The following FANCC variants were observed in gnomAD, a reference collection of about 807,000 sequenced individuals.
FANCC encodes Fanconi anemia group C protein.
In FANCC, 55 loss-of-function variants were observed where a neutral mutation model predicts 71.3. The ratio of observed to expected loss-of-function variants is 0.77; its 90% confidence interval spans 0.62 to 0.97. The LOEUF is 0.97. Among genes scored for constraint, FANCC ranks in the 50% least tolerant of loss-of-function variants. FANCC has a pLI of 0.00. For missense variants in FANCC, 678 were observed against 670.9 expected (o/e 1.01, Z -0.12); for synonymous variants, 275 against 244.9 (o/e 1.12, Z -1.15).
chr9:95,241,372 T>C (rs1830617358), intron 3 of FANCC, among the ~76,000 whole-genome samples: 1 of 152,158 alleles, frequency 6.6e-6, no homozygotes, highest in African/African-American at 2.4e-5. Context: ...TTTATAAAAC[T>C]TTACCAAACA....
chr9:95,163,034 C>T (rs1285246998), intron 6 of FANCC, among the ~76,000 whole-genome samples: 1 of 152,184 alleles, frequency 6.6e-6, no homozygotes, highest in Non-Finnish European at 1.5e-5. Flanking sequence ...ATTGCGAAGT[C>T]CAATGCCATG....
intron 1 of FANCC, among the ~76,000 whole-genome samples, chr9:95,283,146 A>G (rs1588413532): frequency 6.6e-6 from 1 of 152,324 alleles, no homozygotes; most frequent in East Asian, 1.9e-4. Context: ...GCAGTGGCAC[A>G]ATCATAGCTC....
At chr9:95,298,893 A>C (rs563797757) in intron 1 of FANCC, among the ~76,000 whole-genome samples, 1 of 152,244 alleles carries the variant, frequency 6.6e-6, no homozygotes, top group African/African-American at 2.4e-5. Context: ...TCCAAAAGCC[A>C]TATCAGGACA....
rs553628650 is a variant in FANCC at position 95,141,303 on chromosome 9, C to T, written c.687-5801G>A. 2.9e-4 allele frequency among the ~76,000 whole-genome samples: 28 copies of T among 97,780 alleles called. No individual in the cohort carries two copies. In the South Asian group the frequency reaches 0.012, roughly 42 times the overall value. The allele number at this position is 97,780 out of a possible 152,430, so 64.1% of individuals were successfully genotyped here. On this transcript the variant is annotated intron_variant, in intron 7 of 14. Transcript: ENST00000289081. ...CTCTAGCCTGGGTGACAGAGTGAGACCCTGTCTCAAAAAAAAAAAAAAAAA... is the reference window on the plus strand; with the variant it reads ...CTCTAGCCTGGGTGACAGAGTGAGATCCTGTCTCAAAAAAAAAAAAAAAAA...
intron 4 of FANCC, among the ~76,000 whole-genome samples, chr9:95,177,999 C>A (rs1392736491): frequency 6.6e-6 from 1 of 152,120 alleles, no homozygotes; most frequent in Non-Finnish European, 1.5e-5. Context: ...CACAGCTCAA[C>A]ACAAATTTGT....
chr9:95,211,899 A>G (rs962208945), intron 4 of FANCC, among the ~76,000 whole-genome samples: 3 of 151,978 alleles, frequency 2.0e-5, no homozygotes, highest in Non-Finnish European at 4.4e-5. Context: ...CAACTTCTAC[A>G]GATATAGAAT....
chr9:95,210,807 A>G (rs933843058), intron 4 of FANCC, among the ~76,000 whole-genome samples: 2 of 152,214 alleles, frequency 1.3e-5, no homozygotes, highest in Non-Finnish European at 2.9e-5. Context: ...CAATCTTAAC[A>G]AATGGCAATT....
At chr9:95,240,169 T>C (rs1450610131) in intron 4 of FANCC, among the ~76,000 whole-genome samples, 2 of 152,126 alleles carry the variant, frequency 1.3e-5, no homozygotes, top group Non-Finnish European at 2.9e-5. Context: ...AGCACCAAGA[T>C]CCAGTCTGTG....
At chr9:95,209,864 G>A (rs1199706519) in intron 4 of FANCC, among the ~76,000 whole-genome samples, 1 of 152,142 alleles carries the variant, frequency 6.6e-6, no homozygotes, top group Non-Finnish European at 1.5e-5. Flanking sequence ...CGAGCAGCCT[G>A]CTAAAGATTG....
At chr9:95,302,722 A>G (rs1185270673) in intron 1 of FANCC, among the ~76,000 whole-genome samples, 2 of 152,150 alleles carry the variant, frequency 1.3e-5, no homozygotes, top group Non-Finnish European at 2.9e-5. Context: ...AGCAAACCAG[A>G]GCAGCACGGC....
chr9:95,148,677 G>A (rs1163586939), intron 7 of FANCC, among the ~76,000 whole-genome samples: 1 of 152,194 alleles, frequency 6.6e-6, no homozygotes, highest in East Asian at 1.9e-4. Context: ...CTCAATGAAT[G>A]AAGATTTTCC....
intron 6 of FANCC, among the ~76,000 whole-genome samples, chr9:95,164,864 ATTC>A (rs1830974907): frequency 6.6e-6 from 1 of 152,084 alleles, no homozygotes; most frequent in Non-Finnish European, 1.5e-5. Context: ...ACTGGTGTTA[ATTC>A]TTCTTTAAAT....
intron 8 of FANCC, among the ~76,000 whole-genome samples, chr9:95,132,583 G>A (rs564184438): frequency 4.8e-4 from 73 of 152,288 alleles, no homozygotes; most frequent in African/African-American, 1.5e-3. Context: ...GCTACCAACC[G>A]TGGCAGACAG....
intron 7 of FANCC, among the ~76,000 whole-genome samples, chr9:95,149,217 G>T (rs965123594): frequency 2.6e-5 from 4 of 151,914 alleles, no homozygotes; most frequent in African/African-American, 9.7e-5. Flanking sequence ...ATTAATAAGG[G>T]TTTAACAGAT....
chr9:95,307,012 C>CTGTA, intron 1 of FANCC, among the ~76,000 whole-genome samples: 1 of 152,246 alleles, frequency 6.6e-6, no homozygotes, highest in African/African-American at 2.4e-5. Flanking sequence ...GCATGTCACA[C>CTGTA]TGTATGGGTC....
At chr9:95,105,561 A>G (rs1174301763) in intron 14 of FANCC, among the ~76,000 whole-genome samples, 1 of 152,120 alleles carries the variant, frequency 6.6e-6, no homozygotes, top group Admixed American at 6.5e-5. Flanking sequence ...CCATTTGTGT[A>G]ATTTGGTGGC....
intron 1 of FANCC, among the ~76,000 whole-genome samples, chr9:95,295,908 C>A (rs1284425365): frequency 6.6e-6 from 1 of 152,020 alleles, no homozygotes; most frequent in Non-Finnish European, 1.5e-5. Flanking sequence ...TTGCATAGTG[C>A]CCATGGCTAA....
rs565524598 is a variant in FANCC at position 95,183,121 on chromosome 9, A to G, written c.346-10974T>C. 4.6e-5 allele frequency among the ~76,000 whole-genome samples: 7 copies of G among 152,190 alleles called. No homozygotes were observed. In the South Asian group the frequency reaches 1.0e-3, roughly 23 times the overall value. On this transcript the variant is annotated intron_variant, in intron 4 of 14. Transcript: ENST00000289081. ...CTCCAGACCTTTTCCTTCTTCTGAG[A>G]AACCCAACAACCTCCCCGCCCCCAT... is the stretch of plus-strand genomic sequence containing the variant.
intron 4 of FANCC, among the ~76,000 whole-genome samples, chr9:95,230,121 A>G (rs762274557): frequency 1.1e-4 from 17 of 152,248 alleles, no homozygotes; most frequent in Non-Finnish European, 2.2e-4. Context: ...TAAGTTTGCC[A>G]TTCAGAAATC....
Sources: gnomAD v4.1 joint callset for allele counts (sites outside exome capture counted in the v4.1 genomes callset) on GRCh38, gnomAD v4.1.1 for gene constraint, MANE v1.5 for transcripts, NCBI Gene and HGNC (gene_info 2026-07-23, HGNC 2026-07-21) for gene names.